Variants in SPTAN1 observed in about 807,000 individuals in gnomAD.
SPTAN1 encodes spectrin alpha, non-erythrocytic 1.
SPTAN1 carries 61 observed loss-of-function variants against 331.3 expected under a neutral mutation model. The ratio of observed to expected loss-of-function variants is 0.18; its 90% CI spans 0.15 to 0.23. SPTAN1 has a LOEUF of 0.23. Among genes scored for constraint, SPTAN1 ranks in the 10% least tolerant of loss-of-function variants. The pLI, the probability that SPTAN1 is intolerant of heterozygous loss-of-function variation, is 1.00. For missense variants in SPTAN1, 2,043 were observed against 3,147.9 expected (o/e 0.65, Z 8.40); for synonymous variants, 1,153 against 1,173.9 (o/e 0.98, Z 0.36).
At chr9:128,556,219 T>G (rs1041243156) in intron 1 of SPTAN1, among the ~76,000 whole-genome samples, 43 of 151,248 alleles carry the variant, frequency 2.8e-4, no homozygotes, top group Middle Eastern at 3.4e-3. Flanking sequence ...AGACTCTGTC[T>G]CAAAAAAAAA....
chr9:128,567,032 C>T, intron 2 of SPTAN1, 55 bp downstream of exon 2: 6 of 1,611,224 alleles, frequency 3.7e-6, no homozygotes, highest in Non-Finnish European at 5.1e-6. Context: ...AATGTTCTTA[C>T]CCAAAAATCA....
chr9:128,625,653 C>T lies in SPTAN1; in HGVS notation c.6070-116C>T, dbSNP rs1447955960. 2.1e-6 allele frequency: 2 copies of T among 940,636 alleles called. No homozygotes were observed. The highest frequency in any genetic ancestry group is 3.5e-5 in the Admixed American group (2 of 56,746). 58.3% of individuals were successfully genotyped at this position (940,636 alleles called of 1,614,324 possible). On this transcript the variant is annotated intron_variant, in intron 47 of 56. Transcript: ENST00000372739. This position sits in a 1 kb window ranked among gnomAD's most constrained non-coding sequence, Gnocchi z 4.1. Reference sequence around the variant, plus strand: ...TGTGTGACTGAGTCTCAGCAGTGTCCAGGTGGACAGTTTGGCTTGGGCATC... The same window carrying T: ...TGTGTGACTGAGTCTCAGCAGTGTCTAGGTGGACAGTTTGGCTTGGGCATC...
Position 128,627,110 on chromosome 9 carries a change from G to A in SPTAN1, c.6577-276G>A. 1 of 586,628 alleles carries A rather than the reference G, an allele frequency of 1.7e-6. No individual in the cohort carries two copies. The highest frequency in any genetic ancestry group is 1.5e-5 in the South Asian group (1 of 65,608). The allele number at this position is 586,628 out of a possible 1,614,324, so 36.3% of individuals were successfully genotyped here. A position where few individuals can be genotyped will look rare whatever the true frequency, so the allele number is the denominator to read the frequency against. ...TTACAGGTGTGAGCCACTGTACCCA[G>A]CCAGAAGTTTCCATTTCTGACAGTC... On this transcript the variant is annotated intron_variant, in intron 49 of 56. Transcript: ENST00000372739. This position sits in a 1 kb window ranked among gnomAD's most constrained non-coding sequence, Gnocchi z 4.9.
Position 128,585,920 on chromosome 9 carries a change from C to T in SPTAN1, c.2733C>T (p.Pro911=), listed in dbSNP as rs768756536. ...AATCCTGGATGCGGGAGAAGGAACC[C>T]ATTGTGGGCAGCACTGACTATGGCA... ...EAESWMREKE[P]IVGSTDYGKD... is the part of the protein sequence containing the mutation. Residue 911 remains proline, a synonymous_variant, in exon 19 of 57, where the codon CCC becomes CCT. Transcript: ENST00000372739. The T allele has an allele frequency of 1.4e-5, 23 of 1,613,300 alleles. No individual in the cohort carries two copies. The highest frequency in any genetic ancestry group is 1.9e-5 in the Non-Finnish European group (22 of 1,180,028).
chr9:128,632,768 C>T (rs1442270885), intron 55 of SPTAN1, 40 bp from the exon 56 acceptor site: 1 of 1,613,928 alleles, frequency 6.2e-7, no homozygotes, highest in African/African-American at 1.3e-5. Flanking sequence ...GGGCACCCAC[C>T]TGCCCTCCCT....
chr9:128,603,033 T>C (rs185471840), intron 27 of SPTAN1, among the ~76,000 whole-genome samples: 1 of 152,244 alleles, frequency 6.6e-6, no homozygotes, highest in East Asian at 1.9e-4. Context: ...GCTAATTCAC[T>C]GCTTTATTTT....
intron 1 of SPTAN1, among the ~76,000 whole-genome samples, chr9:128,560,084 CT>C (rs376433063): frequency 6.9e-5 from 9 of 129,826 alleles, no homozygotes; most frequent in African/African-American, 1.2e-4. Flanking sequence ...TCCACCTCAC[CT>C]TTTTTTTTTT....
At chr9:128,626,876 G>C in intron 49 of SPTAN1, 189 bp downstream of exon 49, 1 of 692,940 alleles carries the variant, frequency 1.4e-6, no homozygotes, top group South Asian at 1.7e-5. Flanking sequence ...GTGCAGTGGT[G>C]CTACCATGGC....
chr9:128,589,574 C>A (rs1441195917), intron 21 of SPTAN1, among the ~76,000 whole-genome samples: 2 of 57,464 alleles, frequency 3.5e-5, no homozygotes, highest in East Asian at 6.2e-4. Context: ...CCGTGCCCGG[C>A]CTTTTTTTTT....
chr9:128,626,920 T>G (rs979749301), intron 49 of SPTAN1: 13 of 624,158 alleles, frequency 2.1e-5, no homozygotes, highest in African/African-American at 2.0e-4. Context: ...GCTCAGGTGA[T>G]CCTCTTGCCT....
chr9:128,579,574 C>A, intron 9 of SPTAN1, 63 bp from the exon 10 acceptor site: 2 of 1,315,284 alleles, frequency 1.5e-6, no homozygotes, highest in Non-Finnish European at 1.1e-6. Context: ...TAAAATTCAG[C>A]ACCTTGTTTT....
In SPTAN1 at chr9:128,584,855, G is replaced by GT; in HGVS notation, c.2560+13dup. ...CATGGTGGAGGAAGGTGAGTGATTG[G>GT]TATCAGTGACATGGCTTGGTGCTGC... On this transcript the variant is annotated intron_variant, in intron 18 of 56. Transcript: ENST00000372739. The GT allele has an allele frequency of 6.2e-7, 1 of 1,614,172 alleles. No homozygotes were observed. Among genetic ancestry groups the GT allele is most frequent in the Non-Finnish European group, 8.5e-7 (1 of 1,180,042 alleles).
intron 22 of SPTAN1, among the ~76,000 whole-genome samples, chr9:128,592,603 C>A (rs191432357): frequency 6.6e-6 from 1 of 152,128 alleles, no homozygotes; most frequent in Non-Finnish European, 1.5e-5. Flanking sequence ...TAGTCTGGGT[C>A]ATAAATATAA....
Position 128,627,127 on chromosome 9 carries a change from C to A in SPTAN1, c.6577-259C>A. The A allele has an allele frequency of 1.7e-6, 1 of 600,998 alleles. No individual in the cohort carries two copies. The highest frequency in any genetic ancestry group is 3.1e-6 in the Non-Finnish European group (1 of 323,726). The allele number at this position is 600,998 out of a possible 1,614,324, so 37.2% of individuals were successfully genotyped here. A position where few individuals can be genotyped will look rare whatever the true frequency, so the allele number is the denominator to read the frequency against. On this transcript the variant is annotated intron_variant, in intron 49 of 56. Transcript: ENST00000372739. The surrounding 1 kb of genome is among the most constrained non-coding windows in gnomAD (Gnocchi z 4.9). Reference sequence around the variant, plus strand: ...TGTACCCAGCCAGAAGTTTCCATTTCTGACAGTCCAGCAACTCCCTGCTTG... The same window carrying A: ...TGTACCCAGCCAGAAGTTTCCATTTATGACAGTCCAGCAACTCCCTGCTTG...
intron 52 of SPTAN1, chr9:128,631,451 C>T (rs1355877032): frequency 6.6e-6 from 1 of 152,334 alleles, no homozygotes; most frequent in East Asian, 1.9e-4. Flanking sequence ...AAGAGCAAAA[C>T]TCCCTCTGAA....
chr9:128,588,702 A>G (rs1481980343), intron 20 of SPTAN1, 107 bp from the exon 21 acceptor site: 25 of 1,473,888 alleles, frequency 1.7e-5, no homozygotes, highest in Middle Eastern at 4.3e-4. Context: ...TCATGAGTGT[A>G]TATTTGGTAC....
chr9:128,594,230 T>C lies in SPTAN1; in HGVS notation c.3271T>C (p.Cys1091Arg), dbSNP rs1252045446. Residue 1091 changes from cysteine (C) to arginine (R), a missense_variant, in exon 24 of 57, where the codon TGC becomes CGC. Physicochemically the swap from Cys to Arg is radical, Grantham distance 180. Coordinates refer to ENST00000372739, the MANE Select transcript of SPTAN1 (RefSeq NM_001130438.3). Reference sequence around the variant, plus strand: ...GCGTAAAGGCATGTTGGAGAAGAGTTGCAAGAAGTTTATGTTGTTCCGTGA... The same window carrying C: ...GCGTAAAGGCATGTTGGAGAAGAGTCGCAAGAAGTTTATGTTGTTCCGTGA... ...EKRKGMLEKS[C>R]KKFMLFREAN... The C allele has an allele frequency of 6.2e-7, 1 of 1,613,978 alleles. No individual in the cohort carries two copies. Among genetic ancestry groups the C allele is most frequent in the South Asian group, 1.1e-5 (1 of 91,082 alleles).
At chr9:128,611,927 G>A in intron 38 of SPTAN1, 82 bp downstream of exon 38, 3 of 1,609,618 alleles carry the variant, frequency 1.9e-6, no homozygotes, top group Non-Finnish European at 2.5e-6. Flanking sequence ...TGGACATACA[G>A]TCTTAAGACA....
rs748154034 is a variant in SPTAN1, at chr9:128,632,424, C to T, written c.6960-7C>T. ...GGTCTGTTCCCTAATTTCTGTTTTT[C>T]TTCCAGGAACACAACAGGTGTGACT... On this transcript the variant is annotated splice_polypyrimidine_tract_variant and splice_region_variant and intron_variant, in intron 53 of 56. Coordinates refer to ENST00000372739, the MANE Select transcript of SPTAN1 (RefSeq NM_001130438.3). 2 of 1,614,122 alleles carry T rather than the reference C, an allele frequency of 1.2e-6. No individual in the cohort carries two copies. Among genetic ancestry groups the T allele is most frequent in the Admixed American group, 1.7e-5 (1 of 60,026 alleles).
Sources: allele counts gnomAD v4.1 joint callset (sites outside exome capture counted in the v4.1 genomes callset), GRCh38; gene constraint gnomAD v4.1.1; non-coding constraint Gnocchi (gnomAD v3.1); transcripts MANE v1.5; gene names NCBI Gene and HGNC (gene_info 2026-07-23, HGNC 2026-07-21).